ADAMTS18: variants seen among roughly 807,000 people sequenced by gnomAD.
ADAMTS18 encodes the protein ADAM metallopeptidase with thrombospondin type 1 motif 18, also known as A disintegrin and metalloproteinase with thrombospondin motifs 18.
A neutral mutation model predicts 165.9 loss-of-function variants in ADAMTS18; 157 were observed. That is an observed-to-expected ratio of 0.95 (90% CI 0.83 to 1.08). ADAMTS18 has a LOEUF of 1.08. Among genes scored for constraint, ADAMTS18 ranks in the 50% least tolerant of loss-of-function variants. ADAMTS18 has a pLI of 0.00. For missense variants in ADAMTS18, 2,040 were observed against 1,534.0 expected (o/e 1.33, Z -5.51); for synonymous variants, 782 against 578.2 (o/e 1.35, Z -5.06).
At chr16:77,353,522 G>A (rs1248373704) in intron 10 of ADAMTS18, among the ~76,000 whole-genome samples, 1 of 152,164 alleles carries the variant, frequency 6.6e-6, no homozygotes, top group Non-Finnish European at 1.5e-5. Context: ...CTACCAAGCA[G>A]TATTTAAACC....
At chr16:77,284,125 T>TG in intron 22 of ADAMTS18, 54 bp from the exon 23 acceptor site, 3 of 661,826 alleles carry the variant, frequency 4.5e-6, no homozygotes, top group African/African-American at 3.0e-5. Context: ...TCCTTTTTCT[T>TG]TTTTTTTTTT....
intron 3 of ADAMTS18, among the ~76,000 whole-genome samples, chr16:77,408,048 G>T (rs1224774721): frequency 6.6e-6 from 1 of 151,912 alleles, no homozygotes; most frequent in East Asian, 1.9e-4. Flanking sequence ...TAGAAAAATG[G>T]CAAAAAACTT....
At chr16:77,369,849 G>GA (rs1858691686) in intron 3 of ADAMTS18, among the ~76,000 whole-genome samples, 1 of 152,152 alleles carries the variant, frequency 6.6e-6, no homozygotes, top group South Asian at 2.1e-4. Context: ...CAAAATACTA[G>GA]CAAACCAAAT....
rs999459702 is a variant in ADAMTS18 at position 77,300,269 on chromosome 16, C to T, written c.2668G>A (p.Gly890Ser). 24 of 1,613,898 alleles carry T rather than the reference C, an allele frequency of 1.5e-5. No homozygotes were observed. The highest frequency in any genetic ancestry group is 1.9e-5 in the Non-Finnish European group (23 of 1,179,962). Residue 890 changes from glycine (G) to serine (S), a missense_variant, in exon 17 of 23, where the codon GGT (glycine) becomes AGT (serine). By Grantham distance (56) the Gly-to-Ser change is moderately conservative. Transcript: ENST00000282849. Reference sequence around the variant, plus strand: ...GAATGAGAAAATCATCTACCTCCACCACAGGAGACGGAGCACTCTGACTGC... The same window carrying T: ...GAATGAGAAAATCATCTACCTCCACTACAGGAGACGGAGCACTCTGACTGC... ...IVQSECSVSC[G>S]GGYINVKAIC...
chr16:77,294,168 CAGCAGTGATTG>C (rs2055421684), intron 19 of ADAMTS18, among the ~76,000 whole-genome samples: 1 of 152,192 alleles, frequency 6.6e-6, no homozygotes, highest in South Asian at 2.1e-4. Context: ...ATTTGTTTGC[CAGCAGTGATTG>C]AGCAGTGGTT....
At chr16:77,425,490 T>C (rs2057660004) in intron 3 of ADAMTS18, among the ~76,000 whole-genome samples, 1 of 152,188 alleles carries the variant, frequency 6.6e-6, no homozygotes, top group African/African-American at 2.4e-5. Flanking sequence ...AAGTTATTCA[T>C]CAGTGGTAAA....
intron 10 of ADAMTS18, among the ~76,000 whole-genome samples, chr16:77,342,880 G>C (rs955184466): frequency 3.9e-5 from 6 of 152,156 alleles, no homozygotes; most frequent in African/African-American, 1.4e-4. Flanking sequence ...ATATGGGAAA[G>C]AGGAGCTTAG....
chr16:77,379,425 T>C (rs1307125521), intron 3 of ADAMTS18, among the ~76,000 whole-genome samples: 5 of 152,218 alleles, frequency 3.3e-5, no homozygotes, highest in Admixed American at 6.5e-5. Context: ...ATGGAGAATG[T>C]GGCAGAATAG....
chr16:77,340,684 G>A (rs1483348316), intron 11 of ADAMTS18, among the ~76,000 whole-genome samples: 2 of 152,010 alleles, frequency 1.3e-5, no homozygotes, highest in Admixed American at 6.6e-5. Flanking sequence ...GGGTTGAAGC[G>A]ATCCTCCTCC....
At chr16:77,393,476 G>T (rs1433848604) in intron 3 of ADAMTS18, among the ~76,000 whole-genome samples, 1 of 152,192 alleles carries the variant, frequency 6.6e-6, no homozygotes, top group African/African-American at 2.4e-5. Context: ...ACATTCACAT[G>T]TTGAAACCCA....
chr16:77,290,984 C>CACTCG, intron 21 of ADAMTS18: 1 of 388,572 alleles, frequency 2.6e-6, no homozygotes, highest in East Asian at 5.6e-5. Context: ...CCAACATTAG[C>CACTCG]AGTGTATAAC....
intron 12 of ADAMTS18, among the ~76,000 whole-genome samples, chr16:77,332,092 A>G (rs968628308): frequency 1.3e-5 from 2 of 152,266 alleles, no homozygotes; most frequent in Middle Eastern, 3.4e-3. Context: ...TCCCGTTTTT[A>G]TAAGTGAGGA....
intron 11 of ADAMTS18, among the ~76,000 whole-genome samples, chr16:77,341,320 T>G (rs981853496): frequency 2.6e-5 from 4 of 152,104 alleles, no homozygotes; most frequent in Non-Finnish European, 5.9e-5. Context: ...TTGAGCTGAG[T>G]AGCCGAAGCC....
intron 3 of ADAMTS18, among the ~76,000 whole-genome samples, chr16:77,371,664 A>G (rs1024613700): frequency 1.2e-4 from 19 of 152,246 alleles, no homozygotes; most frequent in African/African-American, 4.6e-4. Flanking sequence ...GAGATATGAA[A>G]CTACTAGAAG....
In ADAMTS18 at chr16:77,297,170, C is replaced by T. The variant is rs568226330; in HGVS notation, c.2801+119G>A. On this transcript the variant is annotated intron_variant, in intron 18 of 22. Coordinates refer to ENST00000282849, the MANE Select transcript of ADAMTS18 (RefSeq NM_199355.4). ...TCTTCTATTACTTTTTAAAGTATTG[C>T]GTCTACCTTTGAATCACTTTCCATT... 3.2e-5 allele frequency: 45 copies of T among 1,417,758 alleles called. No individual in the cohort carries two copies. The Admixed American group carries it at 4.8e-4, about 15-fold the overall frequency. The allele number at this position is 1,417,758 out of a possible 1,614,324, so 87.8% of individuals were successfully genotyped here.
intron 9 of ADAMTS18, among the ~76,000 whole-genome samples, chr16:77,354,842 T>A (rs1481736089): frequency 2.0e-5 from 3 of 152,236 alleles, no homozygotes; most frequent in Non-Finnish European, 4.4e-5. Flanking sequence ...GTTAAGTTGA[T>A]CTTGATTTTA....
At chr16:77,332,920 T>C (rs1325683149) in intron 12 of ADAMTS18, among the ~76,000 whole-genome samples, 1 of 152,182 alleles carries the variant, frequency 6.6e-6, no homozygotes, top group Non-Finnish European at 1.5e-5. Flanking sequence ...TATTTCTGGT[T>C]TCTCTTGAAA....
At chr16:77,369,083 G>C (rs779532019) in intron 3 of ADAMTS18, among the ~76,000 whole-genome samples, 92 of 152,198 alleles carry the variant, frequency 6.0e-4, no homozygotes, top group Non-Finnish European at 6.8e-4. Context: ...CCTCACCCAG[G>C]AACCTGTGGG....
intron 3 of ADAMTS18, among the ~76,000 whole-genome samples, chr16:77,370,094 G>T (rs192011037): frequency 4.6e-5 from 7 of 152,090 alleles, no homozygotes; most frequent in Admixed American, 1.3e-4. Context: ...CACAATAAAG[G>T]CCATATATGA....
Sources: gnomAD v4.1 joint callset for allele counts (sites outside exome capture counted in the v4.1 genomes callset) on GRCh38, gnomAD v4.1.1 for gene constraint, MANE v1.5 for transcripts, NCBI Gene and HGNC (gene_info 2026-07-23, HGNC 2026-07-21) for gene names.